Variants in NSF observed in about 807,000 individuals in gnomAD.
The protein encoded by NSF is vesicle-fusing ATPase.
A neutral mutation model predicts 50.3 loss-of-function variants in NSF; 14 were observed. That is an observed-to-expected ratio of 0.28 (90% CI 0.18 to 0.44). NSF has a LOEUF of 0.44. Ranked by LOEUF, NSF falls within the 20% of genes least tolerant of loss-of-function variation. The pLI, the probability that NSF is intolerant of heterozygous loss-of-function variation, is 1.00. For missense variants in NSF, 218 were observed against 504.3 expected (o/e 0.43, Z 5.44); for synonymous variants, 109 against 175.7 (o/e 0.62, Z 3.00).
chr17:46,710,246 T>TA (rs1356019366), intron 13 of NSF, among the ~76,000 whole-genome samples: 1 of 152,236 alleles, frequency 6.6e-6, no homozygotes, highest in Admixed American at 6.5e-5. Flanking sequence ...CAATTGTAAA[T>TA]ACTAAAGTTA....
intron 17 of NSF, among the ~76,000 whole-genome samples, chr17:46,747,678 G>A (rs1384777257): frequency 2.6e-5 from 4 of 152,178 alleles, no homozygotes; most frequent in African/African-American, 7.2e-5. Context: ...AAATAAGTTA[G>A]TGTAAAGGTT....
intron 15 of NSF, among the ~76,000 whole-genome samples, chr17:46,718,651 G>A (rs1236344534): frequency 6.6e-6 from 1 of 152,088 alleles, no homozygotes. Context: ...ATTTGGGCTT[G>A]CTCAGCTCTC....
chr17:46,675,645 C>G (rs1390520174), intron 9 of NSF, among the ~76,000 whole-genome samples: 2 of 136,670 alleles, frequency 1.5e-5, no homozygotes, highest in African/African-American at 5.9e-5. Context: ...AAAACACACA[C>G]ACACACACAC....
At chr17:46,727,409 C>T (rs1467355516) in intron 16 of NSF, among the ~76,000 whole-genome samples, 2 of 152,126 alleles carry the variant, frequency 1.3e-5, no homozygotes, top group African/African-American at 4.8e-5. Context: ...TGGAAACCCA[C>T]CTGGTGACTT....
chr17:46,742,916 A>G (rs2146324868), intron 17 of NSF, among the ~76,000 whole-genome samples: 1 of 152,328 alleles, frequency 6.6e-6, no homozygotes, highest in South Asian at 2.1e-4. Context: ...AATTATTCCT[A>G]TTTCAAGAAT....
chr17:46,736,023 C>T (rs771284021), intron 17 of NSF, among the ~76,000 whole-genome samples: 55 of 152,142 alleles, frequency 3.6e-4, no homozygotes, highest in Non-Finnish European at 5.7e-4. Context: ...CGTATAATAA[C>T]TGCTATATAG....
chr17:46,717,354 A>G (rs1469085340), intron 15 of NSF, among the ~76,000 whole-genome samples: 1 of 152,190 alleles, frequency 6.6e-6, no homozygotes, highest in Non-Finnish European at 1.5e-5. Flanking sequence ...GGTAGTGGTA[A>G]CAAAAATACC....
At chr17:46,748,971 C>T (rs1007490238) in intron 17 of NSF, among the ~76,000 whole-genome samples, 2 of 151,800 alleles carry the variant, frequency 1.3e-5, no homozygotes, top group African/African-American at 2.4e-5. Context: ...ATAACTGTAT[C>T]GGAAGGATGT....
At chr17:46,721,660 C>G in intron 15 of NSF, 1 of 1,602,798 alleles carries the variant, frequency 6.2e-7, no homozygotes, top group East Asian at 2.2e-5. Flanking sequence ...AAGTTTCAAC[C>G]TTGTGTTCCA....
intron 15 of NSF, among the ~76,000 whole-genome samples, chr17:46,714,290 G>T (rs1324155707): frequency 6.6e-6 from 1 of 152,152 alleles, no homozygotes; most frequent in Non-Finnish European, 1.5e-5. Context: ...TTTGAATAAA[G>T]TGGACAAATT....
rs141096231 is a variant in NSF at position 46,714,785 on chromosome 17, A to T, written c.1761+799A>T. The stretch of plus-strand genomic sequence containing the variant: ...CAGCTGAAGTATTTCTTTTATTTAA[A>T]TTCTTTTTTTCATGCTTGATCTTTT... On this transcript the variant is annotated intron_variant, in intron 15 of 20. Coordinates refer to ENST00000398238, the MANE Select transcript of NSF (RefSeq NM_006178.4). 9.8e-5 allele frequency among the ~76,000 whole-genome samples: 15 copies of T among 152,314 alleles called. No homozygotes were observed. In the East Asian group the frequency reaches 2.9e-3, roughly 29 times the overall value.
intron 17 of NSF, among the ~76,000 whole-genome samples, chr17:46,731,244 A>G (rs2058945900): frequency 6.6e-6 from 1 of 152,202 alleles, no homozygotes; most frequent in South Asian, 2.1e-4. Flanking sequence ...AAAAGACCAC[A>G]TATTGGATGA....
rs558061903 is a variant in NSF, at chr17:46,703,698, A to C, written c.1375-1061A>C. ...TCCGTCTCAAAAAAAAAAAAAAAAAAAAAAAACAAAAAACAGAAAACCATA... is the reference window on the plus strand; with the variant it reads ...TCCGTCTCAAAAAAAAAAAAAAAAACAAAAAACAAAAAACAGAAAACCATA... On this transcript the variant is annotated intron_variant, in intron 12 of 20. Transcript: ENST00000398238. Among the ~76,000 whole-genome samples the C allele has an allele frequency of 6.3e-3, 941 of 149,640 alleles. 7 individuals are homozygous for C. Among genetic ancestry groups the C allele is most frequent in the African/African-American group, 0.015 (623 of 40,344 alleles).
chr17:46,749,141 G>T (rs1188912041), intron 17 of NSF, among the ~76,000 whole-genome samples: 1 of 152,150 alleles, frequency 6.6e-6, no homozygotes, highest in Non-Finnish European at 1.5e-5. Context: ...GTAAATATAA[G>T]AAGAAAAGCC....
chr17:46,752,544 C>T (rs997789872), intron 19 of NSF, among the ~76,000 whole-genome samples: 2 of 152,154 alleles, frequency 1.3e-5, no homozygotes, highest in African/African-American at 4.8e-5. Context: ...CAGTTTTGAC[C>T]TCGCAGGCTC....
At chr17:46,721,449 A>G (rs1401208649) in intron 15 of NSF, 3 of 621,350 alleles carry the variant, frequency 4.8e-6, no homozygotes. Flanking sequence ...CTTCCCTCCT[A>G]ACTTTAAGAC....
intron 15 of NSF, among the ~76,000 whole-genome samples, chr17:46,715,063 G>A (rs1164475653): frequency 6.6e-6 from 1 of 152,218 alleles, no homozygotes; most frequent in Non-Finnish European, 1.5e-5. Flanking sequence ...TCTTGTTTGT[G>A]CAGGTGGCAG....
At chr17:46,728,449 T>G (rs2058913551) in intron 16 of NSF, among the ~76,000 whole-genome samples, 1 of 152,174 alleles carries the variant, frequency 6.6e-6, no homozygotes, top group African/African-American at 2.4e-5. Context: ...AAAGTGAATA[T>G]TTAGAAGCTT....
intron 1 of NSF, among the ~76,000 whole-genome samples, chr17:46,622,311 A>G: frequency 6.8e-6 from 1 of 146,792 alleles, no homozygotes; most frequent in Non-Finnish European, 1.5e-5. Context: ...CAAAAAAATT[A>G]GCCAGGCGTG....
Sources: gnomAD v4.1 joint callset for allele counts (sites outside exome capture counted in the v4.1 genomes callset) on GRCh38, gnomAD v4.1.1 for gene constraint, MANE v1.5 for transcripts, NCBI Gene and HGNC (gene_info 2026-07-23, HGNC 2026-07-21) for gene names.